TIAM1: variants seen among roughly 807,000 people sequenced by gnomAD.
TIAM1 encodes rho guanine nucleotide exchange factor TIAM1.
In TIAM1, 65 loss-of-function variants were observed where a neutral mutation model predicts 163.5. That is an observed-to-expected ratio of 0.40 (90% CI 0.33 to 0.49). The LOEUF is 0.49. Ranked by LOEUF, TIAM1 falls within the 20% of genes least tolerant of loss-of-function variation. The pLI, the probability that TIAM1 is intolerant of heterozygous loss-of-function variation, is 0.77. For synonymous variants in TIAM1, 833 were observed against 810.1 expected (o/e 1.03, Z -0.48); for missense variants, 1,789 against 2,044.7 (o/e 0.87, Z 2.41).
chr21:31,146,858 C>T (rs776859174), intron 20 of TIAM1, 37 bp downstream of exon 20: 1 of 1,558,246 alleles, frequency 6.4e-7, no homozygotes, highest in South Asian at 1.1e-5. Context: ...AACTGACAAG[C>T]AACACACCCC....
chr21:31,150,530 A>G (rs1206218546), intron 19 of TIAM1, among the ~76,000 whole-genome samples: 1 of 152,224 alleles, frequency 6.6e-6, no homozygotes, highest in African/African-American at 2.4e-5. Context: ...GGATATTCAT[A>G]CACACACAAA....
intron 2 of TIAM1, among the ~76,000 whole-genome samples, chr21:31,447,189 G>A: frequency 6.6e-6 from 1 of 152,148 alleles, no homozygotes; most frequent in East Asian, 1.9e-4. Flanking sequence ...AGGAGTTCCA[G>A]ACCAGCCTGA....
intron 15 of TIAM1, among the ~76,000 whole-genome samples, chr21:31,180,912 A>T (rs1290681068): frequency 1.3e-5 from 2 of 152,240 alleles, no homozygotes; most frequent in Non-Finnish European, 2.9e-5. Context: ...AACTTGTCAA[A>T]ATCTTCCAAG....
chr21:31,289,660 T>A (rs2251496), intron 2 of TIAM1, among the ~76,000 whole-genome samples: 32,610 of 152,094 alleles, frequency 0.21, 4,289 homozygotes, highest in East Asian at 0.42. Flanking sequence ...AGATTTGTTA[T>A]GTAGAAGAAA....
At chr21:31,550,579 C>A (rs2048650473) in intron 1 of TIAM1, among the ~76,000 whole-genome samples, 2 of 151,932 alleles carry the variant, frequency 1.3e-5, no homozygotes, top group South Asian at 4.2e-4. Flanking sequence ...TTGTACAACT[C>A]TGTAAATTTA....
chr21:31,510,434 A>G (rs937458341), intron 1 of TIAM1, among the ~76,000 whole-genome samples: 4 of 152,206 alleles, frequency 2.6e-5, no homozygotes, highest in Non-Finnish European at 1.5e-5. Flanking sequence ...TCCAAATACA[A>G]TCACATTCTG....
At chr21:31,523,944 C>T (rs1368113680) in intron 1 of TIAM1, among the ~76,000 whole-genome samples, 1 of 149,882 alleles carries the variant, frequency 6.7e-6, no homozygotes, top group East Asian at 2.0e-4. Flanking sequence ...ATAGTATGTA[C>T]TCTGCCTGCT....
At chr21:31,259,126 C>CTT (rs2072297870) in intron 4 of TIAM1, among the ~76,000 whole-genome samples, 1 of 28,604 alleles carries the variant, frequency 3.5e-5, no homozygotes, top group African/African-American at 7.6e-5. Context: ...ATGTGATCTT[C>CTT]TTTTTTTTTT....
intron 2 of TIAM1, among the ~76,000 whole-genome samples, chr21:31,359,356 C>T (rs10222080): frequency 0.21 from 31,312 of 152,058 alleles, 3,315 homozygotes; most frequent in Middle Eastern, 0.33. Flanking sequence ...TAGGACACTG[C>T]CTAGCACACA....
intron 2 of TIAM1, among the ~76,000 whole-genome samples, chr21:31,327,308 A>T (rs1437722022): frequency 2.0e-5 from 3 of 152,180 alleles, no homozygotes; most frequent in Non-Finnish European, 2.9e-5. Context: ...AAGTACCCTT[A>T]TAGGATAAAA....
chr21:31,355,847 C>T (rs190510322), intron 2 of TIAM1, among the ~76,000 whole-genome samples: 259 of 152,158 alleles, frequency 1.7e-3, no homozygotes, highest in African/African-American at 4.3e-3. Flanking sequence ...ACTGCGCGCC[C>T]GGCTATTTTT....
chr21:31,549,308 A>G (rs1050224665), intron 1 of TIAM1, among the ~76,000 whole-genome samples: 17 of 152,230 alleles, frequency 1.1e-4, no homozygotes, highest in African/African-American at 3.6e-4. Context: ...AATCATGACT[A>G]AGTAAACATT....
At chr21:31,161,501 C>G (rs2146352583) in intron 16 of TIAM1, among the ~76,000 whole-genome samples, 1 of 152,296 alleles carries the variant, frequency 6.6e-6, no homozygotes, top group South Asian at 2.1e-4. Flanking sequence ...CGCTCAACAA[C>G]AAGCATACAA....
At chr21:31,487,042 A>C (rs142708016) in intron 1 of TIAM1, among the ~76,000 whole-genome samples, 355 of 152,292 alleles carry the variant, frequency 2.3e-3, no homozygotes, top group Non-Finnish European at 4.3e-3. Flanking sequence ...GAGGCACTGG[A>C]GGTCACGCCT....
At chr21:31,502,195 A>G (rs1412130293) in intron 1 of TIAM1, among the ~76,000 whole-genome samples, 1 of 152,218 alleles carries the variant, frequency 6.6e-6, no homozygotes, top group East Asian at 1.9e-4. Context: ...AGAAAAAAAA[A>G]GGTAAAAGGA....
chr21:31,337,721 G>A (rs1265092842), intron 2 of TIAM1, among the ~76,000 whole-genome samples: 1 of 151,856 alleles, frequency 6.6e-6, no homozygotes, highest in East Asian at 1.9e-4. Context: ...AGTAGAGACA[G>A]GGTTTCACCA....
At chr21:31,403,710 G>T (rs1328989485) in intron 2 of TIAM1, among the ~76,000 whole-genome samples, 5 of 152,122 alleles carry the variant, frequency 3.3e-5, no homozygotes, top group African/African-American at 1.2e-4. Flanking sequence ...CTAGAATAAG[G>T]AATAGTCTAA....
intron 2 of TIAM1, among the ~76,000 whole-genome samples, chr21:31,315,928 G>A (rs1424857476): frequency 1.1e-4 from 16 of 152,156 alleles, no homozygotes; most frequent in Admixed American, 1.0e-3. Flanking sequence ...AGTGAGCCGA[G>A]ATCGCGCCAC....
intron 6 of TIAM1, among the ~76,000 whole-genome samples, chr21:31,242,860 CAAAAA>C (rs11417948): frequency 6.0e-4 from 57 of 95,070 alleles, no homozygotes; most frequent in African/African-American, 2.1e-3. Flanking sequence ...GACTCTGTCT[CAAAAA>C]AAAAAAAAAA....
Sources: allele counts gnomAD v4.1 joint callset (sites outside exome capture counted in the v4.1 genomes callset), GRCh38; gene constraint gnomAD v4.1.1; transcripts MANE v1.5; gene names NCBI Gene and HGNC (gene_info 2026-07-23, HGNC 2026-07-21).